The following CFAP299 variants were observed in gnomAD, a reference collection of about 807,000 sequenced individuals.
The protein encoded by CFAP299 is cilia- and flagella-associated protein 299.
In CFAP299, 21 loss-of-function variants were observed where a neutral mutation model predicts 27.0. That is an observed-to-expected ratio of 0.78 (90% CI 0.55 to 1.12). The LOEUF (loss-of-function observed/expected upper bound fraction) is 1.12. Ranked by LOEUF, CFAP299 falls within the 50% of genes most tolerant of loss-of-function variation. The probability of loss-of-function intolerance (pLI) is 0.00; values close to 1 mark genes in which losing one functional copy is unlikely to be tolerated. For missense variants in CFAP299, 310 were observed against 276.6 expected (o/e 1.12, Z -0.86); for synonymous variants, 104 against 98.1 (o/e 1.06, Z -0.36).
chr4:80,698,615 ATTC>A (rs889154421), intron 3 of CFAP299, among the ~76,000 whole-genome samples: 1 of 152,214 alleles, frequency 6.6e-6, no homozygotes, highest in African/African-American at 2.4e-5. Context: ...ATATTAATCT[ATTC>A]TTGTACCACA....
intron 2 of CFAP299, among the ~76,000 whole-genome samples, chr4:80,441,414 GA>G (rs1222279211): frequency 6.6e-6 from 1 of 152,188 alleles, no homozygotes; most frequent in African/African-American, 2.4e-5. Context: ...CATTCTTAAA[GA>G]AAAGAGTTTT....
At chr4:80,456,130 G>A (rs1184337753) in intron 2 of CFAP299, among the ~76,000 whole-genome samples, 10 of 152,102 alleles carry the variant, frequency 6.6e-5, no homozygotes, top group Admixed American at 5.9e-4. Flanking sequence ...AGCAAGCCAT[G>A]AGATAGTTAG....
Position 80,739,740 on chromosome 4 carries a change from G to T in CFAP299, c.334-130253G>T, listed in dbSNP as rs188464447. 1.7e-4 allele frequency among the ~76,000 whole-genome samples: 26 copies of T among 151,754 alleles called. No homozygotes were observed. In the East Asian group the frequency reaches 4.3e-3, roughly 25 times the overall value. ...TGATATCTTTCTCTAGGTTAGAGAA[G>T]TTCTCTGTTATCCTTTAAAAAAAAA... On this transcript the variant is annotated intron_variant, in intron 3 of 5. Transcript: ENST00000358105.
At chr4:80,684,811 A>T (rs1490434256) in intron 3 of CFAP299, among the ~76,000 whole-genome samples, 1 of 152,040 alleles carries the variant, frequency 6.6e-6, no homozygotes, top group Non-Finnish European at 1.5e-5. Context: ...AAATTAATGT[A>T]CATCTTTCTG....
intron 2 of CFAP299, among the ~76,000 whole-genome samples, chr4:80,575,824 G>A (rs1480416843): frequency 6.6e-6 from 1 of 152,034 alleles, no homozygotes; most frequent in Non-Finnish European, 1.5e-5. Flanking sequence ...GTTTTGGTAT[G>A]TTGTGTTTCC....
intron 3 of CFAP299, among the ~76,000 whole-genome samples, chr4:80,763,239 A>G (rs1725640895): frequency 6.6e-6 from 1 of 152,194 alleles, no homozygotes; most frequent in Admixed American, 6.5e-5. Context: ...TTAAGCTGAT[A>G]AGCAACTTCA....
At chr4:80,566,779 T>C (rs1352684987) in intron 2 of CFAP299, among the ~76,000 whole-genome samples, 1 of 152,090 alleles carries the variant, frequency 6.6e-6, no homozygotes, top group Admixed American at 6.6e-5. Flanking sequence ...AAGATGTAGC[T>C]GCCTCCGAGG....
Position 80,493,695 on chromosome 4 carries a change from A to G in CFAP299, c.243-89398A>G, listed in dbSNP as rs533556760. 9.9e-5 allele frequency among the ~76,000 whole-genome samples: 15 copies of G among 151,976 alleles called. No homozygotes were observed. In the South Asian group the frequency reaches 3.1e-3, roughly 32 times the overall value. On this transcript the variant is annotated intron_variant, in intron 2 of 5. Transcript: ENST00000358105. The stretch of plus-strand genomic sequence containing the variant: ...AATACCATAGCTACAGACTACTCAA[A>G]CGCTAGTGACTTAAATTTATATCTA...
chr4:80,945,030 C>G, intron 5 of CFAP299, 91 bp downstream of exon 5: 1 of 1,229,186 alleles, frequency 8.1e-7, no homozygotes, highest in Admixed American at 2.2e-5. Flanking sequence ...ATTTGACACT[C>G]TTAAGTTGTT....
In CFAP299 at chr4:80,782,706, TA is replaced by T. The variant is rs1402267770; in HGVS notation, c.334-87285del. On this transcript the variant is annotated intron_variant, in intron 3 of 5. Coordinates refer to ENST00000358105, the MANE Select transcript of CFAP299 (RefSeq NM_152770.3). ...TATGAATATATAATATATTCATATA[TA>T]ATATACATATATGAATATATAATAT... Among the ~76,000 whole-genome samples the T allele has an allele frequency of 7.3e-4, 97 of 133,572 alleles. 5 individuals carry two copies. Among genetic ancestry groups the T allele is most frequent in the African/African-American group, 2.5e-3 (89 of 35,588 alleles). 87.6% of individuals were successfully genotyped at this position (133,572 alleles called of 152,430 possible).
chr4:80,448,646 C>T (rs1728753328), intron 2 of CFAP299, among the ~76,000 whole-genome samples: 1 of 151,978 alleles, frequency 6.6e-6, no homozygotes, highest in Non-Finnish European at 1.5e-5. Flanking sequence ...ATCACCAGTA[C>T]TTAAGGCTGA....
At chr4:80,871,072 A>G in intron 4 of CFAP299, 1 of 453,578 alleles carries the variant, frequency 2.2e-6, no homozygotes, top group Non-Finnish European at 2.9e-6. Flanking sequence ...ACGTCTGGAT[A>G]CTTTTTGTAT....
At chr4:80,710,286 G>T (rs329405) in intron 3 of CFAP299, among the ~76,000 whole-genome samples, 108,069 of 151,944 alleles carry the variant, frequency 0.71, 41,623 homozygotes, top group Non-Finnish European at 0.85. Flanking sequence ...GCAACATGCA[G>T]AAACCAGAAA....
upstream of CFAP299, among the ~76,000 whole-genome samples, chr4:80,333,294 C>CA (rs34625819): frequency 6.6e-6 from 1 of 152,068 alleles, no homozygotes; most frequent in Non-Finnish European, 1.5e-5. Context: ...TTTCTAAGTG[C>CA]AAAAAAGCTC....
chr4:80,542,732 A>T (rs1578575160), intron 2 of CFAP299, among the ~76,000 whole-genome samples: 1 of 149,052 alleles, frequency 6.7e-6, no homozygotes, highest in African/African-American at 2.5e-5. Flanking sequence ...ACCAGTGGCC[A>T]TTGCCATAGT....
At position 80,386,713 on chromosome 4, in the gene CFAP299, G is replaced by A. The variant is rs575443175; in HGVS notation, c.242+23829G>A. Reference sequence around the variant, plus strand: ...AGGACCTGCTGCACAGGGCGCATTTGTGGAGCTTCATGCCGGAGTGGGAGA... The same window carrying A: ...AGGACCTGCTGCACAGGGCGCATTTATGGAGCTTCATGCCGGAGTGGGAGA... On this transcript the variant is annotated intron_variant, in intron 2 of 5. Coordinates refer to ENST00000358105, the MANE Select transcript of CFAP299 (RefSeq NM_152770.3). 542 of 1,567,558 alleles carry A rather than the reference G, an allele frequency of 3.5e-4. 5 individuals carry two copies. The African/African-American group carries it at 6.5e-3, about 19-fold the overall frequency.
intron 4 of CFAP299, among the ~76,000 whole-genome samples, chr4:80,938,233 A>C (rs1005050014): frequency 6.6e-6 from 1 of 152,242 alleles, no homozygotes; most frequent in Non-Finnish European, 1.5e-5. Flanking sequence ...TACTGGCCCC[A>C]AAACGGGCCG....
At chr4:80,393,915 T>C (rs898050462) in intron 2 of CFAP299, among the ~76,000 whole-genome samples, 9 of 152,136 alleles carry the variant, frequency 5.9e-5, no homozygotes, top group Admixed American at 5.2e-4. Flanking sequence ...TCTTGACACG[T>C]GATCCCCACA....
chr4:80,597,644 G>A (rs1737124376), intron 3 of CFAP299, among the ~76,000 whole-genome samples: 1 of 151,930 alleles, frequency 6.6e-6, no homozygotes, highest in African/African-American at 2.4e-5. Flanking sequence ...TAGTCTAGAA[G>A]TTTTATTGTT....
Sources: allele counts gnomAD v4.1 joint callset (sites outside exome capture counted in the v4.1 genomes callset), GRCh38; gene constraint gnomAD v4.1.1; transcripts MANE v1.5; gene names NCBI Gene and HGNC (gene_info 2026-07-23, HGNC 2026-07-21).